JAKMIP3: variants seen among roughly 807,000 people sequenced by gnomAD.
JAKMIP3 encodes janus kinase and microtubule-interacting protein 3.
JAKMIP3 carries 58 observed loss-of-function variants against 118.5 expected under a neutral mutation model. The observed-to-expected ratio is 0.49, with a 90% CI of 0.40 to 0.61. The LOEUF (loss-of-function observed/expected upper bound fraction) is 0.61. Ranked by LOEUF, JAKMIP3 falls within the 20% of genes least tolerant of loss-of-function variation. The probability of loss-of-function intolerance (pLI) is 0.00; values close to 1 mark genes in which losing one functional copy is unlikely to be tolerated. For missense variants in JAKMIP3, 950 were observed against 1,109.0 expected (o/e 0.86, Z 2.04); for synonymous variants, 486 against 451.2 (o/e 1.08, Z -0.98).
At chr10:132,064,064 G>A (rs2038510569), upstream of JAKMIP3, among the ~76,000 whole-genome samples, 1 of 152,154 alleles carries the variant, frequency 6.6e-6, no homozygotes, top group South Asian at 2.1e-4. This position sits in a 1 kb window ranked among gnomAD's most constrained non-coding sequence, Gnocchi z 4.4. Context: ...TGTTAAGCTT[G>A]GACTGGGGAC....
Position 132,044,970 on chromosome 10 carries a change from G to A in JAKMIP3, c.-138+8232G>A, listed in dbSNP as rs1484880931. On this transcript the variant is annotated intron_variant, in intron 1 of 23. Transcript: ENST00000657785. The surrounding 1 kb of genome is among the most constrained non-coding windows in gnomAD (Gnocchi z 5.3). ...GAATCCTACTCCACGGAAGGGATGTGCGTTTTGCTGACTCATCATCCGCGG... is the reference window on the plus strand; with the variant it reads ...GAATCCTACTCCACGGAAGGGATGTACGTTTTGCTGACTCATCATCCGCGG... Among the ~76,000 whole-genome samples the A allele has an allele frequency of 6.6e-6, 1 of 152,096 alleles. No homozygotes were observed. The highest frequency in any genetic ancestry group is 1.5e-5 in the Non-Finnish European group (1 of 68,016).
intron 12 of JAKMIP3, 106 bp downstream of exon 12, chr10:132,145,296 C>T: frequency 9.6e-7 from 1 of 1,044,964 alleles, no homozygotes; most frequent in Non-Finnish European, 1.4e-6. Context: ...TTTCTACAGC[C>T]TTGACCTCCT....
At chr10:132,125,373 A>G (rs778725278) in intron 3 of JAKMIP3, among the ~76,000 whole-genome samples, 2 of 152,388 alleles carry the variant, frequency 1.3e-5, no homozygotes, top group South Asian at 2.1e-4. Context: ...TCGTGCATCA[A>G]GTGAGCCCAC....
chr10:132,091,362 T>C (rs2043065479), intron 1 of JAKMIP3, among the ~76,000 whole-genome samples: 1 of 152,216 alleles, frequency 6.6e-6, no homozygotes, highest in African/African-American at 2.4e-5. Context: ...TTGATCTGTT[T>C]AATGTTGACA....
chr10:132,085,716 G>A (rs901715300), intron 1 of JAKMIP3, among the ~76,000 whole-genome samples: 2 of 152,146 alleles, frequency 1.3e-5, no homozygotes, highest in Non-Finnish European at 2.9e-5. Context: ...GGCCAGGCTG[G>A]TCTCGAACTC....
chr10:132,103,962 C>T (rs1442607955), intron 1 of JAKMIP3, among the ~76,000 whole-genome samples: 4 of 152,196 alleles, frequency 2.6e-5, no homozygotes, highest in East Asian at 1.9e-4. Flanking sequence ...TGAATATATA[C>T]GTGAAATCAT....
intron 1 of JAKMIP3, among the ~76,000 whole-genome samples, chr10:132,098,000 T>TCCCCTC (rs2044254047): frequency 9.2e-6 from 1 of 109,008 alleles, no homozygotes; most frequent in Non-Finnish European, 2.0e-5. Context: ...CCCTTCCCCT[T>TCCCCTC]CCCCTCCTTC....
chr10:132,075,407 CT>C (rs375237424), intron 1 of JAKMIP3, among the ~76,000 whole-genome samples: 39 of 113,848 alleles, frequency 3.4e-4, no homozygotes, highest in Non-Finnish European at 4.8e-4. Flanking sequence ...TACTTCACCT[CT>C]TTTTTTTTTT....
intron 1 of JAKMIP3, among the ~76,000 whole-genome samples, chr10:132,046,171 G>C (rs2037908532): frequency 6.6e-6 from 1 of 151,898 alleles, no homozygotes; most frequent in South Asian, 2.1e-4. Context: ...AAGCCGTCCA[G>C]GGGCCAGGTG....
chr10:132,169,161 C>T (rs1238953957), intron 23 of JAKMIP3, 128 bp downstream of exon 23: 1 of 152,202 alleles, frequency 6.6e-6, no homozygotes, highest in African/African-American at 2.4e-5. Context: ...ACTGCTGACC[C>T]GTCAAGATCA....
At chr10:132,039,978 G>A (rs1012814981) in intron 1 of JAKMIP3, among the ~76,000 whole-genome samples, 6 of 152,236 alleles carry the variant, frequency 3.9e-5, no homozygotes, top group Non-Finnish European at 8.8e-5. Flanking sequence ...TAAAATTTCA[G>A]AAGGCTGGGA....
Position 132,044,604 on chromosome 10 carries a change from G to A in JAKMIP3, c.-138+7866G>A, listed in dbSNP as rs1227839799. On this transcript the variant is annotated intron_variant, in intron 1 of 23. Transcript: ENST00000657785. The surrounding 1 kb of genome is among the most constrained non-coding windows in gnomAD (Gnocchi z 5.3). The stretch of plus-strand genomic sequence containing the variant: ...GGGACTAGAGCAGGCTGGGGTCCTG[G>A]CGCGGGCTCTTCCTCAGGGCAGCAG... Among the ~76,000 whole-genome samples, 3 of 152,102 alleles carry A rather than the reference G, an allele frequency of 2.0e-5. No homozygotes were observed. Among genetic ancestry groups the A allele is most frequent in the Non-Finnish European group, 4.4e-5 (3 of 68,022 alleles).
intron 1 of JAKMIP3, among the ~76,000 whole-genome samples, chr10:132,088,796 G>C (rs567656242): frequency 6.6e-6 from 1 of 152,290 alleles, no homozygotes; most frequent in South Asian, 2.1e-4. Flanking sequence ...CCTATGTCCT[G>C]AATGGTATTG....
intron 3 of JAKMIP3, among the ~76,000 whole-genome samples, chr10:132,119,657 T>TA (rs1200599612): frequency 1.3e-5 from 2 of 152,240 alleles, no homozygotes; most frequent in Non-Finnish European, 2.9e-5. Context: ...TTGTTCACCT[T>TA]AAAGAGTAAC....
chr10:132,157,327 C>T (rs1372391658), intron 19 of JAKMIP3, among the ~76,000 whole-genome samples: 4 of 152,092 alleles, frequency 2.6e-5, no homozygotes, highest in East Asian at 3.9e-4. Flanking sequence ...ACAGCCAGGG[C>T]GCTTCCCACC....
At chr10:132,165,164 T>C (rs1272611411) in intron 21 of JAKMIP3, among the ~76,000 whole-genome samples, 5 of 152,174 alleles carry the variant, frequency 3.3e-5, no homozygotes, top group Admixed American at 2.6e-4. Flanking sequence ...AAGCACCCGT[T>C]GACGTGCAGT....
chr10:132,050,140 T>C (rs2038056853), intron 1 of JAKMIP3, among the ~76,000 whole-genome samples: 1 of 152,192 alleles, frequency 6.6e-6, no homozygotes, highest in Admixed American at 6.5e-5. Flanking sequence ...AAGTTCTGTG[T>C]TTGGAGGACT....
chr10:132,057,613 G>A lies in JAKMIP3; in HGVS notation c.-138+20875G>A, dbSNP rs951574488. ...CCCCACGAGGCTGGCGATTCCTGTCGTCACCTGAGCAGCCCTGCACGTGTG... is the reference window on the plus strand; with the variant it reads ...CCCCACGAGGCTGGCGATTCCTGTCATCACCTGAGCAGCCCTGCACGTGTG... On this transcript the variant is annotated intron_variant, in intron 1 of 23. Coordinates refer to the JAKMIP3 transcript ENST00000657785. Among the ~76,000 whole-genome samples, 69 of 152,318 alleles carry A rather than the reference G, an allele frequency of 4.5e-4. 1 individual carries two copies. Among genetic ancestry groups the A allele is most frequent in the South Asian group, 1.2e-3 (6 of 4,828 alleles).
At chr10:132,180,612 T>TGCGCGTGC (rs1565019226) in intron 23 of JAKMIP3, among the ~76,000 whole-genome samples, 1 of 23,212 alleles carries the variant, frequency 4.3e-5, no homozygotes, top group African/African-American at 1.9e-4. Context: ...CGCGTGTGTG[T>TGCGCGTGC]GTGCGTGTGT....
Sources: gnomAD v4.1 joint callset for allele counts (sites outside exome capture counted in the v4.1 genomes callset) on GRCh38, gnomAD v4.1.1 for gene constraint, Gnocchi (gnomAD v3.1) non-coding constraint, MANE v1.5 for transcripts, NCBI Gene and HGNC (gene_info 2026-07-23, HGNC 2026-07-21) for gene names.